The following SLC5A10 variants were observed in gnomAD, a reference collection of about 807,000 sequenced individuals.
The protein encoded by SLC5A10 is solute carrier family 5 member 10.
Under a neutral mutation model 68.9 loss-of-function variants are expected in SLC5A10, and 55 were observed. The observed-to-expected ratio is 0.80, with a 90% CI of 0.64 to 1.00. The LOEUF (loss-of-function observed/expected upper bound fraction) is 1.00. SLC5A10 is among the 50% of genes least tolerant of loss of function. SLC5A10 has a pLI of 0.00. For missense variants in SLC5A10, 732 were observed against 819.3 expected, an observed-to-expected ratio of 0.89 and a Z score of 1.30; for synonymous variants, 344 against 344.8, an observed-to-expected ratio of 1.00 and a Z score of 0.02.
chr17:18,990,800 G>A (rs2043401975), intron 9 of SLC5A10, among the ~76,000 whole-genome samples: 1 of 86 alleles, frequency 0.012, no homozygotes, highest in African/African-American at 0.045. Flanking sequence ...GGAGCCTGGT[G>A]CTCCCCCAGG....
At position 18,978,983 on chromosome 17, in the gene SLC5A10, G is replaced by A. The variant is rs918302555; in HGVS notation, c.982+1994G>A. The A allele has an allele frequency of 6.0e-6, 6 of 1,007,882 alleles. No homozygotes were observed. In the African/African-American group the frequency reaches 9.7e-5, roughly 16 times the overall value. The allele number at this position is 1,007,882 out of a possible 1,614,324, so 62.4% of individuals were successfully genotyped here. Reference sequence around the variant, plus strand: ...GGATCAAGAAGTGAATGGGGGCAGAGAGCAGGTGCATACTGTGGGGTCAGA... The same window carrying A: ...GGATCAAGAAGTGAATGGGGGCAGAAAGCAGGTGCATACTGTGGGGTCAGA... On this transcript the variant is annotated intron_variant, in intron 9 of 14. Coordinates refer to ENST00000395645, the MANE Select transcript of SLC5A10 (RefSeq NM_001042450.4).
At chr17:18,973,987 G>C (rs951593477) in intron 8 of SLC5A10, among the ~76,000 whole-genome samples, 1 of 151,238 alleles carries the variant, frequency 6.6e-6, no homozygotes, top group Non-Finnish European at 1.5e-5. Context: ...CCGCCTCCTG[G>C]GTTTGAGCAA....
chr17:18,971,573 C>CGG lies in SLC5A10; in HGVS notation c.846+358_846+359dup. 6.2e-7 allele frequency: 1 copy of CGG among 1,613,598 alleles called. No individual in the cohort carries two copies. Among genetic ancestry groups the CGG allele is most frequent in the Admixed American group, 1.7e-5 (1 of 60,024 alleles). ...TGGGCTGCCGGGATCCGGAAGCAGGCGGGGTACCTGACCTCCCTTGGCCTG... is the reference window on the plus strand; with the variant it reads ...TGGGCTGCCGGGATCCGGAAGCAGGCGGGGGGTACCTGACCTCCCTTGGCCTG... On this transcript the variant is annotated intron_variant, in intron 8 of 14. Coordinates refer to ENST00000395645, the MANE Select transcript of SLC5A10 (RefSeq NM_001042450.4). The surrounding 1 kb of genome is among the most constrained non-coding windows in gnomAD (Gnocchi z 5.5).
In SLC5A10 at chr17:19,019,550, G is replaced by A. The variant is rs1222253600; in HGVS notation, c.1369G>A (p.Val457Ile). Reference protein sequence around the residue: ...TSSLAPPVTAVFVLGVFWRRA... With the variant: ...TSSLAPPVTAIFVLGVFWRRA... Reference sequence around the variant, plus strand: ...CTCCCTGGCCCCACCAGTGACTGCAGTCTTTGTCCTGGGCGTCTTCTGGCG... The same window carrying A: ...CTCCCTGGCCCCACCAGTGACTGCAATCTTTGTCCTGGGCGTCTTCTGGCG... The change falls in exon 12 of 15, where the codon GTC (valine) becomes ATC (isoleucine). Residue 457 changes from valine (V) to isoleucine (I), a missense_variant. Physicochemically the swap from Val to Ile is conservative, Grantham distance 29 (BLOSUM62 3). Transcript: ENST00000395645. The A allele has an allele frequency of 3.1e-6, 5 of 1,612,240 alleles. No individual in the cohort carries two copies. The highest frequency in any genetic ancestry group is 4.5e-5 in the East Asian group (2 of 44,898).
At chr17:18,952,645 A>C in intron 1 of SLC5A10, 1 of 200,360 alleles carries the variant, frequency 5.0e-6, no homozygotes, top group Non-Finnish European at 1.0e-5. Context: ...GGTGTCAGTG[A>C]CTCCTGTCTG....
At position 18,968,057 on chromosome 17, in the gene SLC5A10, TG is replaced by T. The variant is rs2042747943; in HGVS notation, c.454-993del. Among the ~76,000 whole-genome samples, 1 of 152,188 alleles carries T rather than the reference TG, an allele frequency of 6.6e-6. No individual in the cohort carries two copies. Among genetic ancestry groups the T allele is most frequent in the South Asian group, 2.1e-4 (1 of 4,830 alleles). On this transcript the variant is annotated intron_variant, in intron 5 of 14. Transcript: ENST00000395645. This position sits in a 1 kb window ranked among gnomAD's most constrained non-coding sequence, Gnocchi z 4.1. ...GGAGAGGTACAGGAAGCACAGGCTT[TG>T]GAGCCAGATCCCATCCTGCCTGGGC...
chr17:19,020,106 C>CA, intron 13 of SLC5A10, 49 bp from the exon 14 acceptor site: 1 of 1,120,524 alleles, frequency 8.9e-7, no homozygotes, highest in Admixed American at 1.8e-5. Flanking sequence ...GGGTCACCCC[C>CA]ACCCTGCCAT....
upstream of SLC5A10, chr17:18,951,839 A>G (rs1427565819): frequency 4.0e-6 from 1 of 251,906 alleles, no homozygotes; most frequent in African/African-American, 2.3e-5. Flanking sequence ...CAAATTAGAT[A>G]TAGGTGAAGC....
chr17:18,989,713 G>A (rs1157729522), intron 9 of SLC5A10, among the ~76,000 whole-genome samples: 1 of 152,190 alleles, frequency 6.6e-6, no homozygotes, highest in African/African-American at 2.4e-5. Flanking sequence ...CACCCCGCAC[G>A]TTCCCATTTA....
chr17:19,009,776 T>C (rs2043975844), intron 9 of SLC5A10, among the ~76,000 whole-genome samples: 2 of 152,094 alleles, frequency 1.3e-5, no homozygotes, highest in South Asian at 2.1e-4. Flanking sequence ...TGAGGCCCCA[T>C]AGTCATAGTC....
chr17:19,010,963 A>C (rs1718331786), intron 9 of SLC5A10, among the ~76,000 whole-genome samples: 1 of 151,280 alleles, frequency 6.6e-6, no homozygotes, highest in African/African-American at 2.4e-5. Flanking sequence ...CCCTTCTCCC[A>C]CTCCTCCTCT....
intron 9 of SLC5A10, among the ~76,000 whole-genome samples, chr17:18,993,392 A>G (rs2043480309): frequency 6.6e-6 from 1 of 152,208 alleles, no homozygotes; most frequent in African/African-American, 2.4e-5. Flanking sequence ...TCTCAGGCAC[A>G]GCAATGGAGT....
At position 19,000,183 on chromosome 17, in the gene SLC5A10, C is replaced by G. The variant is rs2095074491; in HGVS notation, c.983-13227C>G. ...CTCCTGGGGCTAGGGGAGGGGCAGG[C>G]AGTTGACCTTCCATCTTGGAGTAGG... On this transcript the variant is annotated intron_variant, in intron 9 of 14. Transcript: ENST00000395645. The surrounding 1 kb of genome is among the most constrained non-coding windows in gnomAD (Gnocchi z 5.2). 6.6e-6 allele frequency among the ~76,000 whole-genome samples: 1 copy of G among 152,154 alleles called. No individual in the cohort carries two copies. The highest frequency in any genetic ancestry group is 2.1e-4 in the South Asian group (1 of 4,834).
intron 5 of SLC5A10, among the ~76,000 whole-genome samples, chr17:18,963,238 T>A (rs2042646565): frequency 1.3e-5 from 2 of 152,166 alleles, no homozygotes; most frequent in Non-Finnish European, 2.9e-5. Context: ...AACAATCTTG[T>A]CCAGCTCTCC....
chr17:19,000,613 C>T lies in SLC5A10; in HGVS notation c.983-12797C>T, dbSNP rs533994030. Reference sequence around the variant, plus strand: ...ACGACAGGTAAGGTGAGTGAGGAGGCGGAAGGCTGGGCTGTCCTGACTCAG... The same window carrying T: ...ACGACAGGTAAGGTGAGTGAGGAGGTGGAAGGCTGGGCTGTCCTGACTCAG... On this transcript the variant is annotated intron_variant, in intron 9 of 14. Coordinates refer to ENST00000395645, the MANE Select transcript of SLC5A10 (RefSeq NM_001042450.4). This position sits in a 1 kb window ranked among gnomAD's most constrained non-coding sequence, Gnocchi z 5.2. Among the ~76,000 whole-genome samples the T allele has an allele frequency of 6.6e-6, 1 of 152,124 alleles. No homozygotes were observed. The highest frequency in any genetic ancestry group is 2.1e-4 in the South Asian group (1 of 4,834).
intron 9 of SLC5A10, among the ~76,000 whole-genome samples, chr17:19,012,973 C>T (rs926002056): frequency 6.6e-6 from 1 of 152,086 alleles, no homozygotes; most frequent in African/African-American, 2.4e-5. Context: ...GTTGACTTGT[C>T]GCTGAGTGAA....
intron 10 of SLC5A10, among the ~76,000 whole-genome samples, chr17:19,013,842 G>A (rs947651358): frequency 1.3e-5 from 2 of 151,978 alleles, no homozygotes; most frequent in African/African-American, 4.8e-5. Context: ...GGCTGACACC[G>A]AGCCATTGTT....
In SLC5A10 at chr17:19,003,786, G is replaced by C. The variant is rs1370799275; in HGVS notation, c.983-9624G>C. ...CCATTGTCCTCGGGCCCCTGAGAGG[G>C]GCCCGTGCCCCGAGGGTCCTCAGAG... On this transcript the variant is annotated intron_variant, in intron 9 of 14. Coordinates refer to ENST00000395645, the MANE Select transcript of SLC5A10 (RefSeq NM_001042450.4). This position sits in a 1 kb window ranked among gnomAD's most constrained non-coding sequence, Gnocchi z 4.5. 15 of 1,611,668 alleles carry C rather than the reference G, an allele frequency of 9.3e-6. No homozygotes were observed. Among genetic ancestry groups the C allele is most frequent in the African/African-American group, 1.3e-5 (1 of 74,868 alleles).
chr17:18,977,332 G>A, intron 9 of SLC5A10: 1 of 583,110 alleles, frequency 1.7e-6, no homozygotes, highest in Non-Finnish European at 3.0e-6. Context: ...ACCTCTAGGT[G>A]GGGAAACGTG....
Sources: allele counts gnomAD v4.1 joint callset (sites outside exome capture counted in the v4.1 genomes callset), GRCh38; gene constraint gnomAD v4.1.1; non-coding constraint Gnocchi (gnomAD v3.1); transcripts MANE v1.5; gene names NCBI Gene and HGNC (gene_info 2026-07-23, HGNC 2026-07-21).